Variants in SHC4 observed in about 807,000 individuals in gnomAD.
SHC4 encodes SHC-transforming protein 4.
Under a neutral mutation model 69.4 loss-of-function variants are expected in SHC4, and 41 were observed. The observed-to-expected ratio is 0.59, with a 90% CI of 0.46 to 0.77. The LOEUF is 0.77. Ranked by LOEUF, SHC4 falls within the 30% of genes least tolerant of loss-of-function variation. SHC4 has a pLI of 0.00. For missense variants in SHC4, 777 were observed against 783.8 expected (o/e 0.99, Z 0.10); for synonymous variants, 318 against 299.3 (o/e 1.06, Z -0.64).
chr15:48,874,371 G>A (rs773382005), intron 4 of SHC4, among the ~76,000 whole-genome samples: 5 of 152,198 alleles, frequency 3.3e-5, no homozygotes, highest in Non-Finnish European at 7.3e-5. Context: ...CCCCTGGCCA[G>A]AGACCAAGTA....
intron 11 of SHC4, 57 bp from the exon 12 acceptor site, chr15:48,826,183 T>C (rs1006377008): frequency 6.7e-7 from 1 of 1,496,552 alleles, no homozygotes; most frequent in East Asian, 2.3e-5. Context: ...TCCTGAAAGA[T>C]ATAAATAATA....
chr15:48,931,691 G>C (rs1231601519), intron 1 of SHC4, among the ~76,000 whole-genome samples: 1 of 151,822 alleles, frequency 6.6e-6, no homozygotes, highest in East Asian at 1.9e-4. Flanking sequence ...CATATTCATG[G>C]GCAAAGCATA....
At chr15:48,847,770 A>G (rs1298328524) in intron 9 of SHC4, among the ~76,000 whole-genome samples, 3 of 152,256 alleles carry the variant, frequency 2.0e-5, no homozygotes, top group African/African-American at 7.2e-5. Context: ...TGGGAGGCCA[A>G]GGCGGGCAGA....
At position 48,911,551 on chromosome 15, in the gene SHC4, G is replaced by A. The variant is rs774838784; in HGVS notation, c.656+13328C>T. 4.6e-5 allele frequency among the ~76,000 whole-genome samples: 7 copies of A among 152,072 alleles called. 1 individual carries two copies. The highest frequency in any genetic ancestry group is 7.4e-5 in the Non-Finnish European group (5 of 68,000). On this transcript the variant is annotated intron_variant, in intron 2 of 11. Coordinates refer to ENST00000332408, the MANE Select transcript of SHC4 (RefSeq NM_203349.4). ...TGTGTCTTTTAAGTGGAGCATTTAGGCCATTTACATTCAATGTTAGTATTG... is the reference window on the plus strand; with the variant it reads ...TGTGTCTTTTAAGTGGAGCATTTAGACCATTTACATTCAATGTTAGTATTG...
At chr15:48,856,595 G>A (rs902712549) in intron 7 of SHC4, among the ~76,000 whole-genome samples, 1 of 152,138 alleles carries the variant, frequency 6.6e-6, no homozygotes, top group East Asian at 1.9e-4. Context: ...GAGAGCTATG[G>A]CCAGCTATCT....
At chr15:48,828,120 T>C (rs1567046703) in intron 11 of SHC4, among the ~76,000 whole-genome samples, 1 of 41,952 alleles carries the variant, frequency 2.4e-5, no homozygotes. Flanking sequence ...TGTGTGTATA[T>C]ATATATATAT....
intron 2 of SHC4, among the ~76,000 whole-genome samples, chr15:48,908,702 T>G (rs1298871848): frequency 6.6e-6 from 1 of 152,242 alleles, no homozygotes; most frequent in Non-Finnish European, 1.5e-5. Context: ...TTTAAATCCT[T>G]AATCCATCTT....
At chr15:48,880,989 T>TGTGTGG (rs1899931660) in intron 4 of SHC4, among the ~76,000 whole-genome samples, 1 of 70,398 alleles carries the variant, frequency 1.4e-5, no homozygotes, top group African/African-American at 1.3e-4. Context: ...TGTGAGAGTG[T>TGTGTGG]GTGTGTGTGT....
chr15:48,946,118 G>A (rs990664519), intron 1 of SHC4: 32 of 152,180 alleles, frequency 2.1e-4, no homozygotes, highest in African/African-American at 7.5e-4. Context: ...TTACTGTGTC[G>A]AGATTCTTAC....
chr15:48,940,119 T>C (rs1011676720), intron 1 of SHC4, among the ~76,000 whole-genome samples: 16 of 152,168 alleles, frequency 1.1e-4, no homozygotes, highest in African/African-American at 3.9e-4. Flanking sequence ...TGGCCCAACA[T>C]ATCCACCATC....
At chr15:48,949,243 C>A (rs748984400) in intron 1 of SHC4, among the ~76,000 whole-genome samples, 10 of 148,784 alleles carry the variant, frequency 6.7e-5, no homozygotes, top group East Asian at 4.1e-4. Flanking sequence ...TGGTGGTGGG[C>A]GCCTGTAGTC....
intron 4 of SHC4, among the ~76,000 whole-genome samples, chr15:48,881,675 G>C (rs1258264925): frequency 6.6e-6 from 1 of 152,188 alleles, no homozygotes; most frequent in Non-Finnish European, 1.5e-5. Context: ...TAAAGAATTA[G>C]TGGGAGTGTG....
At chr15:48,943,968 G>C (rs984550875) in intron 1 of SHC4, among the ~76,000 whole-genome samples, 3 of 151,944 alleles carry the variant, frequency 2.0e-5, no homozygotes, top group African/African-American at 4.8e-5. Context: ...TGTTAGTAAG[G>C]TAGAAAGAGG....
chr15:48,952,827 A>C (rs1047117375), intron 1 of SHC4, among the ~76,000 whole-genome samples: 1 of 152,234 alleles, frequency 6.6e-6, no homozygotes, highest in African/African-American at 2.4e-5. Flanking sequence ...TGGGAGTGCA[A>C]ATAGTTCAAC....
intron 1 of SHC4, among the ~76,000 whole-genome samples, chr15:48,942,171 T>C (rs1393392004): frequency 2.7e-5 from 4 of 149,948 alleles, no homozygotes; most frequent in African/African-American, 7.2e-5. Flanking sequence ...TGTTAGTCAG[T>C]ATTTTTTTAA....
chr15:48,848,531 C>T (rs1341896527), intron 9 of SHC4, among the ~76,000 whole-genome samples: 2 of 152,116 alleles, frequency 1.3e-5, no homozygotes, highest in Non-Finnish European at 2.9e-5. Flanking sequence ...ATATAGTATA[C>T]TTGTCTAAGA....
intron 1 of SHC4, among the ~76,000 whole-genome samples, chr15:48,941,628 C>A (rs1275639779): frequency 6.6e-6 from 1 of 152,110 alleles, no homozygotes; most frequent in Non-Finnish European, 1.5e-5. Context: ...ATGTGAAAGA[C>A]CTGATTCAAA....
At chr15:48,903,319 A>G (rs1900348489) in intron 2 of SHC4, among the ~76,000 whole-genome samples, 1 of 152,164 alleles carries the variant, frequency 6.6e-6, no homozygotes, top group South Asian at 2.1e-4. Flanking sequence ...TTACCAATGA[A>G]AAGACTATCT....
intron 10 of SHC4, among the ~76,000 whole-genome samples, chr15:48,835,533 A>G (rs529390912): frequency 6.6e-6 from 1 of 152,288 alleles, no homozygotes. Flanking sequence ...CTGACCCAAA[A>G]CTTCAAAACT....
Sources: gnomAD v4.1 joint callset for allele counts (sites outside exome capture counted in the v4.1 genomes callset) on GRCh38, gnomAD v4.1.1 for gene constraint, MANE v1.5 for transcripts, NCBI Gene and HGNC (gene_info 2026-07-23, HGNC 2026-07-21) for gene names.